Variants in CILP2 observed in about 807,000 individuals in gnomAD.
CILP2 encodes cartilage intermediate layer protein 2.
In CILP2, 38 loss-of-function variants were observed where a neutral mutation model predicts 45.6. That is an observed-to-expected ratio of 0.83 (90% CI 0.64 to 1.09). The LOEUF (loss-of-function observed/expected upper bound fraction) is 1.09. Ranked by LOEUF, CILP2 falls within the 50% of genes least tolerant of loss-of-function variation. CILP2 has a pLI of 0.00. For synonymous variants in CILP2, 780 were observed against 723.5 expected (o/e 1.08, Z -1.25); for missense variants, 1,735 against 1,662.2 (o/e 1.04, Z -0.76).
intron 7 of CILP2, 82 bp downstream of exon 7, chr19:19,543,487 GC>G (rs2061251821): frequency 6.5e-7 from 1 of 1,535,844 alleles, no homozygotes; most frequent in Non-Finnish European, 8.9e-7. Context: ...CCCAAATGGA[GC>G]CCCCACTTCA....
At chr19:19,538,950 A>G (rs2061232596) in intron 1 of CILP2, among the ~76,000 whole-genome samples, 2 of 152,202 alleles carry the variant, frequency 1.3e-5, no homozygotes, top group African/African-American at 2.4e-5. Flanking sequence ...TAGTACAGGG[A>G]TGGAAGACAG....
chr19:19,542,648 T>G lies in CILP2; in HGVS notation c.866T>G (p.Leu289Trp). Reference protein sequence around the residue: ...ISVVTIILDKLEKPYLVKHPE... With the variant: ...ISVVTIILDKWEKPYLVKHPE... ...GTGGTCACCATCATCCTTGATAAGTTGGGTAAGCACCCTTGCAACATGGGG... is the reference window on the plus strand; with the variant it reads ...GTGGTCACCATCATCCTTGATAAGTGGGGTAAGCACCCTTGCAACATGGGG... Residue 289 changes from leucine to tryptophan, a missense_variant and splice_region_variant, in exon 5 of 8, where the codon TTG becomes TGG. Physicochemically the swap from Leu to Trp is moderately conservative, Grantham distance 61. Transcript: ENST00000291495. 4 of 1,612,922 alleles carry G rather than the reference T, an allele frequency of 2.5e-6. No homozygotes were observed. The highest frequency in any genetic ancestry group is 1.1e-5 in the South Asian group (1 of 91,064).
In CILP2 at chr19:19,543,771, A is replaced by G. The variant is rs2061252655; in HGVS notation, c.1226A>G (p.Tyr409Cys). Reference sequence around the variant, plus strand: ...GGTCAGCCAGGTAGTGGCCCTGCCTACCTGGATGTGGGCCTCTGTCCCGAC... The same window carrying G: ...GGTCAGCCAGGTAGTGGCCCTGCCTGCCTGGATGTGGGCCTCTGTCCCGAC... Reference protein sequence around the residue: ...DCGQPGSGPAYLDVGLCPDTR... With the variant: ...DCGQPGSGPACLDVGLCPDTR... The change falls in exon 8 of 8, where the codon TAC becomes TGC. Residue 409 changes from tyrosine to cysteine, a missense_variant. Tyr to Cys is a radical substitution (Grantham distance 194). Transcript: ENST00000291495. 4.3e-6 allele frequency: 7 copies of G among 1,613,772 alleles called. No homozygotes were observed. The East Asian group carries it at 1.3e-4, about 31-fold the overall frequency.
intron 7 of CILP2, 46 bp downstream of exon 7, chr19:19,543,451 G>A (rs1007928707): frequency 6.2e-7 from 1 of 1,605,548 alleles, no homozygotes; most frequent in Admixed American, 1.7e-5. Context: ...CACCCAAACG[G>A]AACCCGGACT....
intron 1 of CILP2, among the ~76,000 whole-genome samples, chr19:19,539,118 G>T (rs1474092552): frequency 6.6e-6 from 1 of 152,204 alleles, no homozygotes; most frequent in Non-Finnish European, 1.5e-5. Context: ...CACTTCCCCA[G>T]CCGGGGGGTT....
Position 19,543,954 on chromosome 19 carries a change from C to G in CILP2, c.1409C>G (p.Pro470Arg). The G allele has an allele frequency of 6.2e-7, 1 of 1,613,468 alleles. No individual in the cohort carries two copies. Among genetic ancestry groups the G allele is most frequent in the African/African-American group, 1.3e-5 (1 of 75,062 alleles). The change falls in exon 8 of 8, where the codon CCC becomes CGC. Residue 470 changes from proline to arginine, a missense_variant. Pro to Arg is a moderately radical substitution (Grantham distance 103). Coordinates refer to ENST00000291495, the MANE Select transcript of CILP2 (RefSeq NM_153221.2). ...GAGTGTGGCTGCCAGAAGTGTCTGC[C>G]CCCTCGGGGGCTGGTCCGGGGCCGT... The part of the protein sequence containing the change: ...VAECGCQKCL[P>R]PRGLVRGRVV...
chr19:19,543,830 C>G lies in CILP2; in HGVS notation c.1285C>G (p.Arg429Gly), dbSNP rs376026094. The G allele has an allele frequency of 5.0e-6, 8 of 1,613,784 alleles. No homozygotes were observed. In the East Asian group the frequency reaches 1.6e-4, roughly 31 times the overall value. Residue 429 changes from arginine to glycine, a missense_variant, in exon 8 of 8, where the codon CGC becomes GGC. By Grantham distance (125) the Arg-to-Gly change is moderately radical. Coordinates refer to ENST00000291495, the MANE Select transcript of CILP2 (RefSeq NM_153221.2). Reference sequence around the variant, plus strand: ...CCCCAGCCTGGCAGGCTCCAGCCCCCGCTGCGGGGACGCCAGCTCCCGCTG... The same window carrying G: ...CCCCAGCCTGGCAGGCTCCAGCCCCGGCTGCGGGGACGCCAGCTCCCGCTG... ...RCPSLAGSSP[R>G]CGDASSRCCS...
In CILP2 at chr19:19,539,750, C is replaced by T. The variant is rs1417760393; in HGVS notation, c.136C>T (p.Pro46Ser). 6.2e-7 allele frequency: 1 copy of T among 1,602,436 alleles called. No homozygotes were observed. Among genetic ancestry groups the T allele is most frequent in the Admixed American group, 1.7e-5 (1 of 59,224 alleles). Residue 46 changes from proline to serine, a missense_variant, in exon 2 of 8, where the codon CCC becomes TCC. Physicochemically the swap from Pro to Ser is moderately conservative, Grantham distance 74. Transcript: ENST00000291495. ...AAGACGGTCCGTGTACACCGGCCAG[C>T]CCTCACCAGCCCTGGAGGACTGGGA... ...LERRSVYTGQ[P>S]SPALEDWEEA...
Position 19,544,744 on chromosome 19 carries a change from G to T in CILP2, c.2199G>T (p.Glu733Asp), listed in dbSNP as rs1352051844. Residue 733 changes from glutamate to aspartate, a missense_variant, in exon 8 of 8, where the codon GAG becomes GAT. Transcript: ENST00000291495. ...GCCTGTTCAATCTGGACGTGCCTGA[G>T]CGCCGCCGCTGCTTCGTGAAGGTGC... is the stretch of plus-strand genomic sequence containing the variant. ...ERRLFNLDVP[E>D]RRRCFVKVRA... 1 of 1,605,482 alleles carries T rather than the reference G, an allele frequency of 6.2e-7. No individual in the cohort carries two copies. Among genetic ancestry groups the T allele is most frequent in the African/African-American group, 1.3e-5 (1 of 74,976 alleles).
In CILP2 at chr19:19,545,768, A is replaced by C; in HGVS notation, c.3223A>C (p.Ile1075Leu). 6.2e-7 allele frequency: 1 copy of C among 1,609,170 alleles called. No homozygotes were observed. Among genetic ancestry groups the C allele is most frequent in the Non-Finnish European group, 8.5e-7 (1 of 1,177,266 alleles). ...TDQSPRLAKE[I>L]AIGRCFDGSS... ...CCAGAGCCCACGCTTGGCCAAGGAG[A>C]TCGCCATTGGCCGCTGCTTTGATGG... The change falls in exon 8 of 8, where the codon ATC becomes CTC. Residue 1075 changes from isoleucine (I) to leucine (L), a missense_variant. Physicochemically the swap from Ile to Leu is conservative, Grantham distance 5. Coordinates refer to ENST00000291495, the MANE Select transcript of CILP2 (RefSeq NM_153221.2).
chr19:19,543,969 TC>T lies in CILP2; in HGVS notation c.1426del (p.Arg476GlyfsTer47). The T allele has an allele frequency of 6.2e-7, 1 of 1,613,444 alleles. No individual in the cohort carries two copies. The highest frequency in any genetic ancestry group is 2.2e-5 in the East Asian group (1 of 44,852). ...CQKCLPPRGL[V>X]RGRVVAADSG... is the part of the protein sequence containing the mutation. ...AAGTGTCTGCCCCCTCGGGGGCTGG[TC>T]CGGGGCCGTGTTGTGGCTGCTGACT... On this transcript the variant is annotated frameshift_variant, in exon 8 of 8. Transcript: ENST00000291495. LOFTEE classifies it low-confidence loss of function (END_TRUNC).
At chr19:19,542,753 G>T (rs780591794) in intron 5 of CILP2, 103 bp downstream of exon 5, 1 of 1,585,108 alleles carries the variant, frequency 6.3e-7, no homozygotes, top group Non-Finnish European at 8.7e-7. Flanking sequence ...CACAGTCATT[G>T]GCGAAGGCAC....
chr19:19,541,200 C>G lies in CILP2; in HGVS notation c.546C>G (p.Pro182=), dbSNP rs780819017. The G allele has an allele frequency of 1.0e-5, 13 of 1,275,814 alleles. No homozygotes were observed. In the African/African-American group the frequency reaches 1.5e-4, roughly 15 times the overall value. 79.0% of individuals were successfully genotyped at this position (1,275,814 alleles called of 1,614,324 possible). A position where few individuals can be genotyped will look rare whatever the true frequency, so the allele number is the denominator to read the frequency against. The change falls in exon 4 of 8, where the codon CCC becomes CCG. Residue 182 remains proline, a synonymous_variant. Coordinates refer to ENST00000291495, the MANE Select transcript of CILP2 (RefSeq NM_153221.2). ...CAAGCCCCGCTGGGGATGCGTGTCC[C>G]GGGCGTCCTCTGGAGGCGCAGAAGT... ...HCPSPAGDAC[P]GRPLEAQKCV...
chr19:19,540,695 C>A, intron 3 of CILP2: 1 of 561,614 alleles, frequency 1.8e-6, no homozygotes, highest in Non-Finnish European at 2.9e-6. Context: ...GCGCGGGGCC[C>A]AAGTGCACCG....
rs1337858775 is a variant in CILP2, at chr19:19,545,137, C to G, written c.2592C>G (p.Ala864=). 6.2e-7 allele frequency: 1 copy of G among 1,612,280 alleles called. No individual in the cohort carries two copies. The highest frequency in any genetic ancestry group is 8.5e-7 in the Non-Finnish European group (1 of 1,179,804). The part of the protein sequence containing the change: ...FKRNGFRINL[A]KPRPGDPAEA... ...GTAACGGCTTCCGCATCAACCTCGC[C>G]AAGCCCAGGCCAGGTGACCCCGCCG... is the stretch of plus-strand genomic sequence containing the variant. Residue 864 remains alanine (A), a synonymous_variant, in exon 8 of 8, where the codon GCC becomes GCG. Coordinates refer to ENST00000291495, the MANE Select transcript of CILP2 (RefSeq NM_153221.2).
chr19:19,546,092 C>A lies in CILP2; in HGVS notation c.*76C>A. 1 of 1,235,508 alleles carries A rather than the reference C, an allele frequency of 8.1e-7. No homozygotes were observed. Among genetic ancestry groups the A allele is most frequent in the Non-Finnish European group, 1.1e-6 (1 of 946,896 alleles). 76.5% of individuals were successfully genotyped at this position (1,235,508 alleles called of 1,614,324 possible). ...AGGAAGTTTTGCCCCTCCTTCTTCT[C>A]CAGACAGCCCCCTCCCCAGGTGTCT... On this transcript the variant is annotated 3_prime_UTR_variant, in exon 8 of 8. Coordinates refer to ENST00000291495, the MANE Select transcript of CILP2 (RefSeq NM_153221.2).
intron 1 of CILP2, 23 bp downstream of exon 1, chr19:19,538,436 G>A (rs374766312): frequency 4.3e-5 from 65 of 1,502,360 alleles, no homozygotes; most frequent in Non-Finnish European, 5.4e-5. Context: ...CAGCCCCCGC[G>A]CCCAGCCCCT....
Position 19,546,406 on chromosome 19 carries a change from A to C in CILP2, c.*390A>C. 1 of 165,032 alleles carries C rather than the reference A, an allele frequency of 6.1e-6. No homozygotes were observed. The highest frequency in any genetic ancestry group is 1.3e-5 in the Non-Finnish European group (1 of 76,608). The allele number at this position is 165,032 out of a possible 1,614,324, so 10.2% of individuals were successfully genotyped here. A position where few individuals can be genotyped will look rare whatever the true frequency, so the allele number is the denominator to read the frequency against. The stretch of plus-strand genomic sequence containing the variant: ...AGTCCCCTCTGCCTGTTTGGAGCTC[A>C]GTGCTAGACCAGGTCCCCTGCCCCG... On this transcript the variant is annotated 3_prime_UTR_variant, in exon 8 of 8. Coordinates refer to ENST00000291495, the MANE Select transcript of CILP2 (RefSeq NM_153221.2).
At chr19:19,543,074 T>G in intron 6 of CILP2, 102 bp downstream of exon 6, 1 of 1,001,086 alleles carries the variant, frequency 1.0e-6, no homozygotes, top group Non-Finnish European at 1.5e-6. Flanking sequence ...GGGGAAAGCG[T>G]TAACGGGGAA....
Sources: gnomAD v4.1 joint callset for allele counts (sites outside exome capture counted in the v4.1 genomes callset) on GRCh38, gnomAD v4.1.1 for gene constraint, MANE v1.5 for transcripts, NCBI Gene and HGNC (gene_info 2026-07-23, HGNC 2026-07-21) for gene names.